Variants in IYD observed in about 807,000 individuals in gnomAD.
IYD encodes the protein iodotyrosine deiodinase 1.
In IYD, 25 loss-of-function variants were observed where a neutral mutation model predicts 28.4. The observed-to-expected ratio is 0.88, with a 90% CI of 0.64 to 1.23. IYD has a LOEUF of 1.23. IYD is among the 50% of genes most tolerant of loss of function. The pLI, the probability that IYD is intolerant of heterozygous loss-of-function variation, is 0.00. For missense variants in IYD, 352 were observed against 357.9 expected (o/e 0.98, Z 0.13); for synonymous variants, 140 against 130.8 (o/e 1.07, Z -0.48).
rs150391817 is a variant in IYD at position 150,372,269 on chromosome 6, G to T, written c.178+3060G>T. 8.5e-3 allele frequency among the ~76,000 whole-genome samples: 1,281 copies of T among 151,076 alleles called. 11 individuals are homozygous for T. The highest frequency in any genetic ancestry group is 0.013 in the Non-Finnish European group (886 of 67,694). ...GCATGTGTGTGTGTGGGTGGGTTGT[G>T]GGGTGGTGAGGGGTCATTGTGTGAC... On this transcript the variant is annotated intron_variant, in intron 1 of 4. Transcript: ENST00000344419.
chr6:150,398,372 C>A lies in IYD; in HGVS notation c.*135C>A. 1.3e-6 allele frequency: 1 copy of A among 778,028 alleles called. No homozygotes were observed. The highest frequency in any genetic ancestry group is 2.1e-6 in the Non-Finnish European group (1 of 467,518). The allele number at this position is 778,028 out of a possible 1,614,324, so 48.2% of individuals were successfully genotyped here. On this transcript the variant is annotated 3_prime_UTR_variant, in exon 5 of 5. Transcript: ENST00000344419. ...CCTCATTGCTCTTCTCAGGTGGCCACACTATGTCAAGAAGCCTCTCCACAC... is the reference window on the plus strand; with the variant it reads ...CCTCATTGCTCTTCTCAGGTGGCCAAACTATGTCAAGAAGCCTCTCCACAC...
At chr6:150,394,374 ACT>A in intron 4 of IYD, 119 bp downstream of exon 4, 2 of 1,069,234 alleles carry the variant, frequency 1.9e-6, no homozygotes, top group Admixed American at 1.9e-5. Flanking sequence ...AAGTGAGGTA[ACT>A]CTGATGTGAA....
intron 1 of IYD, among the ~76,000 whole-genome samples, chr6:150,380,042 G>A (rs62432484): frequency 1.3e-5 from 2 of 152,082 alleles, no homozygotes; most frequent in African/African-American, 4.8e-5. Flanking sequence ...GAGGGAGGAA[G>A]CTTTCCCCCT....
intron 1 of IYD, among the ~76,000 whole-genome samples, chr6:150,380,519 C>G (rs1777608429): frequency 6.6e-6 from 1 of 152,098 alleles, no homozygotes; most frequent in Non-Finnish European, 1.5e-5. Flanking sequence ...TGAGCTCATC[C>G]TATTTAGAAA....
At chr6:150,374,892 T>A (rs1777390281) in intron 1 of IYD, among the ~76,000 whole-genome samples, 1 of 152,096 alleles carries the variant, frequency 6.6e-6, no homozygotes, top group Admixed American at 6.6e-5. Context: ...TCTTCCTAGA[T>A]TTTATGACCT....
chr6:150,375,134 G>A (rs111260202), intron 1 of IYD, among the ~76,000 whole-genome samples: 6 of 152,276 alleles, frequency 3.9e-5, no homozygotes, highest in African/African-American at 7.2e-5. Flanking sequence ...TCTGTTGCTC[G>A]ATGCACACAG....
At chr6:150,392,260 G>A in intron 2 of IYD, 85 bp from the exon 3 acceptor site, 1 of 1,603,984 alleles carries the variant, frequency 6.2e-7, no homozygotes, top group Admixed American at 1.7e-5. Flanking sequence ...AAAGTGCTTG[G>A]ACTACAGGGA....
Position 150,392,465 on chromosome 6 carries a change from G to T in IYD, c.491G>T (p.Arg164Met). 1 of 1,613,994 alleles carries T rather than the reference G, an allele frequency of 6.2e-7. No homozygotes were observed. The highest frequency in any genetic ancestry group is 1.3e-5 in the African/African-American group (1 of 75,022). ...EEEEEINYMK[R>M]MGHRWVTDLK... Reference sequence around the variant, plus strand: ...GAAGAGGAGATCAACTACATGAAAAGGATGGGACATCGCTGGGTCACAGAC... The same window carrying T: ...GAAGAGGAGATCAACTACATGAAAATGATGGGACATCGCTGGGTCACAGAC... The change falls in exon 3 of 5, where the codon AGG becomes ATG. Residue 164 changes from arginine to methionine, a missense_variant. Arg to Met is a moderately conservative substitution (Grantham distance 91). Coordinates refer to ENST00000344419, the MANE Select transcript of IYD (RefSeq NM_203395.3).
At chr6:150,393,193 TAC>T (rs1778190226) in intron 3 of IYD, among the ~76,000 whole-genome samples, 2 of 152,182 alleles carry the variant, frequency 1.3e-5, no homozygotes. Context: ...AGGGGGTGGG[TAC>T]ACAAGAGTAC....
intron 1 of IYD, among the ~76,000 whole-genome samples, chr6:150,372,035 C>A (rs1777259865): frequency 6.6e-6 from 1 of 152,148 alleles, no homozygotes; most frequent in African/African-American, 2.4e-5. Flanking sequence ...AGAACGGACT[C>A]CTTTACTGAA....
intron 1 of IYD, among the ~76,000 whole-genome samples, chr6:150,378,363 T>C (rs1777526441): frequency 6.6e-6 from 1 of 151,534 alleles, no homozygotes; most frequent in African/African-American, 2.4e-5. Flanking sequence ...CAGAGTGTGA[T>C]GTTCCCCTTC....
At chr6:150,379,080 C>T (rs557106640) in intron 1 of IYD, among the ~76,000 whole-genome samples, 1 of 152,198 alleles carries the variant, frequency 6.6e-6, no homozygotes, top group Non-Finnish European at 1.5e-5. Flanking sequence ...ACTGTTGACT[C>T]CTGTTCCTCC....
At chr6:150,372,102 A>C (rs1244094972) in intron 1 of IYD, among the ~76,000 whole-genome samples, 1 of 152,206 alleles carries the variant, frequency 6.6e-6, no homozygotes, top group Admixed American at 6.5e-5. Context: ...AACCATTTTT[A>C]ATATTAACAA....
At chr6:150,370,621 G>A (rs1405321227) in intron 1 of IYD, 1 of 985,386 alleles carries the variant, frequency 1.0e-6, no homozygotes. Flanking sequence ...CTACCCAGCG[G>A]AGAAGCACTT....
intron 3 of IYD, among the ~76,000 whole-genome samples, chr6:150,393,441 A>G (rs1778198210): frequency 6.6e-6 from 1 of 152,250 alleles, no homozygotes. Context: ...TACACAAGTG[A>G]GTTTCGTGTG....
chr6:150,388,014 G>A (rs1198173677), intron 1 of IYD, among the ~76,000 whole-genome samples: 1 of 152,008 alleles, frequency 6.6e-6, no homozygotes, highest in African/African-American at 2.4e-5. Flanking sequence ...TGATTCTGCT[G>A]TTTCTTGTCC....
intron 2 of IYD, among the ~76,000 whole-genome samples, chr6:150,390,831 C>T (rs373039429): frequency 3.9e-5 from 6 of 152,228 alleles, no homozygotes; most frequent in Middle Eastern, 6.8e-3. Flanking sequence ...TGATGCACTG[C>T]GAAGCTTTGC....
intron 1 of IYD, among the ~76,000 whole-genome samples, chr6:150,373,678 T>C (rs1351091179): frequency 6.6e-6 from 1 of 152,222 alleles, no homozygotes; most frequent in Non-Finnish European, 1.5e-5. Context: ...GTGCTATGAA[T>C]CAGTGCTTTC....
intron 1 of IYD, among the ~76,000 whole-genome samples, chr6:150,383,683 T>G (rs1242468380): frequency 6.6e-6 from 1 of 150,878 alleles, no homozygotes; most frequent in African/African-American, 2.4e-5. Context: ...GGATTTATGG[T>G]CGGGTGCAGT....
Sources: allele counts gnomAD v4.1 joint callset (sites outside exome capture counted in the v4.1 genomes callset), GRCh38; gene constraint gnomAD v4.1.1; transcripts MANE v1.5; gene names NCBI Gene and HGNC (gene_info 2026-07-23, HGNC 2026-07-21).